The following COX16 variants were observed in gnomAD, a reference collection of about 807,000 sequenced individuals.
COX16 encodes the protein cytochrome c oxidase assembly factor COX16.
A neutral mutation model predicts 15.4 loss-of-function variants in COX16; 12 were observed. The ratio of observed to expected loss-of-function variants is 0.78; its 90% CI spans 0.50 to 1.26. The LOEUF is 1.26. COX16 is among the 50% of genes most tolerant of loss of function. The pLI is 0.00. For missense variants in COX16, 124 were observed against 127.6 expected, an observed-to-expected ratio of 0.97 and a Z score of 0.14; for synonymous variants, 46 against 41.1, an observed-to-expected ratio of 1.12 and a Z score of -0.46.
intron 1 of COX16, among the ~76,000 whole-genome samples, chr14:70,356,024 A>G (rs1197106476): frequency 6.6e-6 from 1 of 152,032 alleles, no homozygotes; most frequent in East Asian, 1.9e-4. Flanking sequence ...TGAGGCCCGC[A>G]CCAGAAGCAG....
intron 2 of COX16, among the ~76,000 whole-genome samples, chr14:70,334,481 C>T (rs1326398796): frequency 3.9e-5 from 6 of 152,188 alleles, no homozygotes; most frequent in Admixed American, 3.9e-4. Flanking sequence ...TGCACCACTG[C>T]ACTCCAGCCT....
intron 2 of COX16, 25 bp from the exon 3 acceptor site, chr14:70,329,261 A>G (rs1010382178): frequency 1.3e-6 from 2 of 1,585,882 alleles, no homozygotes; most frequent in African/African-American, 1.4e-5. Flanking sequence ...AAAAAGTAAT[A>G]AGTTATCTAA....
intron 3 of COX16, 79 bp downstream of exon 3, chr14:70,329,095 C>T: frequency 7.4e-7 from 1 of 1,353,084 alleles, no homozygotes; most frequent in Non-Finnish European, 9.9e-7. Flanking sequence ...TAATTTTTTT[C>T]TGTACTACTA....
intron 1 of COX16, among the ~76,000 whole-genome samples, chr14:70,343,432 A>C (rs1437763921): frequency 6.6e-6 from 1 of 152,218 alleles, no homozygotes; most frequent in African/African-American, 2.4e-5. Flanking sequence ...TCGTACTATG[A>C]TTACACAAGG....
chr14:70,326,331 A>T lies in COX16; in HGVS notation c.*2T>A, dbSNP rs773804332. 3.5e-5 allele frequency: 52 copies of T among 1,468,390 alleles called. No individual in the cohort carries two copies. Among genetic ancestry groups the T allele is most frequent in the Non-Finnish European group, 4.6e-5 (51 of 1,109,536 alleles). The allele number at this position is 1,468,390 out of a possible 1,614,324, so 91.0% of individuals were successfully genotyped here. ...AAAAAAAGGAAAAAAGAATCAGCAG[A>T]GTCAAGTTGTCTTAGTCTTAAGGCT... On this transcript the variant is annotated 3_prime_UTR_variant, in exon 4 of 4. Transcript: ENST00000389912.
chr14:70,338,412 C>T (rs972775264), intron 2 of COX16, among the ~76,000 whole-genome samples: 1 of 152,082 alleles, frequency 6.6e-6, no homozygotes, highest in African/African-American at 2.4e-5. Context: ...CATGCCCGGC[C>T]CCAGAAGATA....
At chr14:70,334,363 A>C (rs1886381622) in intron 2 of COX16, among the ~76,000 whole-genome samples, 1 of 152,128 alleles carries the variant, frequency 6.6e-6, no homozygotes, top group South Asian at 2.1e-4. Flanking sequence ...TCTCTACTAA[A>C]ATTACAAAAA....
intron 1 of COX16, among the ~76,000 whole-genome samples, chr14:70,349,108 T>A (rs191849865): frequency 6.6e-6 from 1 of 152,158 alleles, no homozygotes; most frequent in Non-Finnish European, 1.5e-5. Context: ...TCCCCAACAC[T>A]TTCCATGTTG....
chr14:70,332,370 C>G (rs1886317251), intron 2 of COX16, among the ~76,000 whole-genome samples: 1 of 152,108 alleles, frequency 6.6e-6, no homozygotes, highest in South Asian at 2.1e-4. Context: ...CCAGCGTCAG[C>G]TGCAGCCCCT....
Position 70,326,446 on chromosome 14 carries a change from T to C in COX16, c.208A>G (p.Ile70Val). The change falls in exon 4 of 4, where the codon ATC (isoleucine) becomes GTC (valine). Residue 70 changes from isoleucine (I) to valine (V), a missense_variant. Coordinates refer to ENST00000389912, the MANE Select transcript of COX16 (RefSeq NM_016468.7). The stretch of plus-strand genomic sequence containing the variant: ...CAGTCATCAAACTTGGAGTCTTTGA[T>C]TTTCTATAGAACCACAAAAAATTAA... ...KISLESEYEK[I>V]KDSKFDDWKN... The C allele has an allele frequency of 6.3e-7, 1 of 1,578,056 alleles. No homozygotes were observed. Among genetic ancestry groups the C allele is most frequent in the Non-Finnish European group, 8.6e-7 (1 of 1,166,260 alleles).
intron 1 of COX16, among the ~76,000 whole-genome samples, chr14:70,353,356 G>T (rs1347007454): frequency 2.0e-5 from 3 of 148,794 alleles, no homozygotes; most frequent in Non-Finnish European, 1.5e-5. Flanking sequence ...AATAAAGTTT[G>T]ATCCCTACCT....
chr14:70,352,434 G>A (rs577693672), intron 1 of COX16, among the ~76,000 whole-genome samples: 97 of 152,066 alleles, frequency 6.4e-4, no homozygotes, highest in African/African-American at 2.3e-3. Flanking sequence ...TGATCCACCC[G>A]CCTCAGCCTC....
Position 70,329,214 on chromosome 14 carries a change from T to A in COX16, c.164A>T (p.Lys55Ile). The change falls in exon 3 of 4, where the codon AAA (lysine) becomes ATA (isoleucine). Residue 55 changes from lysine to isoleucine, a missense_variant. By Grantham distance (102) the Lys-to-Ile change is moderately radical. Coordinates refer to ENST00000389912, the MANE Select transcript of COX16 (RefSeq NM_016468.7). Reference sequence around the variant, plus strand: ...TAAAGATATTTTATTCTCTTTCAGTTTTTTTTCAAGCTCAGGATCCATCTG... The same window carrying A: ...TAAAGATATTTTATTCTCTTTCAGTATTTTTTCAAGCTCAGGATCCATCTG... ...KSKMDPELEK[K>I]LKENKISLES... 6.2e-7 allele frequency: 1 copy of A among 1,607,996 alleles called. No homozygotes were observed. The highest frequency in any genetic ancestry group is 8.5e-7 in the Non-Finnish European group (1 of 1,176,928).
At chr14:70,327,370 C>T (rs551391795) in intron 3 of COX16, among the ~76,000 whole-genome samples, 127 of 152,262 alleles carry the variant, frequency 8.3e-4, no homozygotes, top group South Asian at 6.6e-3. Context: ...CTTCAGCTCT[C>T]AAATTCTACA....
rs77655575 is a variant in COX16, at chr14:70,328,072, A to ATTTTTTTTTTTTTTTTTTTTTTTTTTT, written c.204+1101_204+1102insAAAAAAAAAAAAAAAAAAAAAAAAAAA. ...AGTAAAAATTATGCCTGAGAATAAG[A>ATTTTTTTTTTTTTTTTTTTTTTTTTTT]TTTTTTTTTTTTTTTTTTTTTTTTT... is the stretch of plus-strand genomic sequence containing the variant. On this transcript the variant is annotated intron_variant, in intron 3 of 3. Transcript: ENST00000389912. 1.1e-4 allele frequency: 9 copies of ATTTTTTTTTTTTTTTTTTTTTTTTTTT among 80,838 alleles called. 3 individuals carry two copies. Among genetic ancestry groups the ATTTTTTTTTTTTTTTTTTTTTTTTTTT allele is most frequent in the Middle Eastern group, 6.9e-3 (1 of 144 alleles). 5.0% of individuals were successfully genotyped at this position (80,838 alleles called of 1,614,324 possible). A position where few individuals can be genotyped will look rare whatever the true frequency, so the allele number is the denominator to read the frequency against.
chr14:70,349,767 C>G (rs1429424277), intron 1 of COX16, among the ~76,000 whole-genome samples: 2 of 152,264 alleles, frequency 1.3e-5, no homozygotes, highest in East Asian at 1.9e-4. Flanking sequence ...CCACCCTTAC[C>G]AGACTCTGAG....
chr14:70,333,367 T>C (rs541379031), intron 2 of COX16, among the ~76,000 whole-genome samples: 8 of 152,216 alleles, frequency 5.3e-5, no homozygotes, highest in Non-Finnish European at 1.0e-4. Context: ...ATCAGAGAAA[T>C]TGAACAGAGA....
intron 2 of COX16, among the ~76,000 whole-genome samples, chr14:70,342,423 C>A (rs569671396): frequency 2.0e-5 from 3 of 151,938 alleles, no homozygotes; most frequent in Admixed American, 1.3e-4. Context: ...CCAGTCTGAG[C>A]GACAGAGTGA....
At chr14:70,352,194 A>T (rs547882148) in intron 1 of COX16, among the ~76,000 whole-genome samples, 15 of 152,104 alleles carry the variant, frequency 9.9e-5, no homozygotes, top group African/African-American at 1.9e-4. Context: ...TTATTTATTT[A>T]TTTATTTTTT....
Sources: gnomAD v4.1 joint callset for allele counts (sites outside exome capture counted in the v4.1 genomes callset) on GRCh38, gnomAD v4.1.1 for gene constraint, MANE v1.5 for transcripts, NCBI Gene and HGNC (gene_info 2026-07-23, HGNC 2026-07-21) for gene names.